FOXP1: variants seen among roughly 807,000 people sequenced by gnomAD.
FOXP1 encodes forkhead box P1.
FOXP1 carries 15 observed loss-of-function variants against 98.2 expected under a neutral mutation model. The ratio of observed to expected loss-of-function variants is 0.15; its 90% CI spans 0.10 to 0.24. The LOEUF (loss-of-function observed/expected upper bound fraction) is 0.24. FOXP1 is among the 10% of genes least tolerant of loss of function. The pLI is 1.00. For missense variants in FOXP1, 633 were observed against 848.5 expected (o/e 0.75, Z 3.15); for synonymous variants, 371 against 314.5 (o/e 1.18, Z -1.90).
intron 6 of FOXP1, among the ~76,000 whole-genome samples, chr3:71,128,862 C>T (rs1273155522): frequency 6.6e-6 from 1 of 151,722 alleles, no homozygotes; most frequent in Admixed American, 6.6e-5. Flanking sequence ...AGGCAAAAAG[C>T]CTCCTGAGCC....
chr3:71,250,379 G>C (rs750718657), intron 5 of FOXP1, among the ~76,000 whole-genome samples: 1 of 152,168 alleles, frequency 6.6e-6, no homozygotes, highest in African/African-American at 2.4e-5. Context: ...TGAGGCTCCT[G>C]AGCACTTGAA....
chr3:71,432,739 TCAGCATTTA>T lies in FOXP1; in HGVS notation c.-168+60678_-168+60686del, dbSNP rs1288198673. On this transcript the variant is annotated intron_variant, in intron 3 of 20. Transcript: ENST00000649528. ...TCCCCCCCATCCAAAGAAGCAGAACTCAGCATTTACAGCATTTACATTCATTTTCAGGCT... is the reference window on the plus strand; with the variant it reads ...TCCCCCCCATCCAAAGAAGCAGAACTCAGCATTTACATTCATTTTCAGGCT... Among the ~76,000 whole-genome samples the T allele has an allele frequency of 5.3e-5, 8 of 151,398 alleles. No individual in the cohort carries two copies. The East Asian group carries it at 5.9e-4, about 11-fold the overall frequency.
At chr3:71,115,136 A>C (rs529139860) in intron 6 of FOXP1, among the ~76,000 whole-genome samples, 2 of 152,148 alleles carry the variant, frequency 1.3e-5, no homozygotes, top group East Asian at 3.9e-4. Context: ...GGAAAGGCAG[A>C]GAGAGGGACT....
At chr3:71,428,057 T>A (rs1047579110) in intron 3 of FOXP1, among the ~76,000 whole-genome samples, 1 of 152,028 alleles carries the variant, frequency 6.6e-6, no homozygotes, top group African/African-American at 2.4e-5. Context: ...CAGAAACAAG[T>A]CCCATCTTCA....
chr3:71,380,228 A>G (rs1378168926), intron 3 of FOXP1, among the ~76,000 whole-genome samples: 1 of 152,168 alleles, frequency 6.6e-6, no homozygotes, highest in Non-Finnish European at 1.5e-5. Flanking sequence ...GTGGACCCCT[A>G]GTGGACAGAG....
chr3:70,973,144 C>CCAGAGGT (rs2036645482), intron 17 of FOXP1, among the ~76,000 whole-genome samples: 1 of 152,130 alleles, frequency 6.6e-6, no homozygotes, highest in African/African-American at 2.4e-5. Flanking sequence ...TTTAAAACTT[C>CCAGAGGT]CAGAGGTCCT....
At chr3:71,317,309 A>T (rs935818968) in intron 4 of FOXP1, among the ~76,000 whole-genome samples, 13 of 152,330 alleles carry the variant, frequency 8.5e-5, no homozygotes, top group African/African-American at 3.1e-4. Flanking sequence ...TTGCTGGCTG[A>T]CATGACGCCA....
chr3:71,143,820 C>T (rs1350335511), intron 6 of FOXP1, among the ~76,000 whole-genome samples: 1 of 152,220 alleles, frequency 6.6e-6, no homozygotes. Context: ...ATTACTTTTA[C>T]CACTGCTATG....
chr3:71,548,308 T>C (rs1366031114), intron 2 of FOXP1, among the ~76,000 whole-genome samples: 3 of 152,128 alleles, frequency 2.0e-5, no homozygotes, highest in Non-Finnish European at 2.9e-5. Context: ...CACACACAAA[T>C]AGCGTAAGTT....
intron 3 of FOXP1, among the ~76,000 whole-genome samples, chr3:71,363,308 T>C (rs1311820462): frequency 6.6e-6 from 1 of 152,238 alleles, no homozygotes; most frequent in East Asian, 1.9e-4. Context: ...CTACTCAATA[T>C]TGTGTACAAC....
chr3:71,100,008 C>T (rs139926073), intron 7 of FOXP1, among the ~76,000 whole-genome samples: 6 of 152,314 alleles, frequency 3.9e-5, no homozygotes, highest in African/African-American at 1.2e-4. Context: ...TCAATAGTTA[C>T]CACAGAGTCT....
At chr3:71,575,482 G>A (rs943696867) in intron 2 of FOXP1, among the ~76,000 whole-genome samples, 2 of 152,028 alleles carry the variant, frequency 1.3e-5, no homozygotes, top group East Asian at 1.9e-4. Flanking sequence ...CAGATACAGA[G>A]GTAGGTGAGC....
chr3:71,487,267 C>T (rs1008479659), intron 3 of FOXP1, among the ~76,000 whole-genome samples: 2 of 152,130 alleles, frequency 1.3e-5, no homozygotes, highest in East Asian at 1.9e-4. Context: ...CACATATTGC[C>T]CAGGCTGGTC....
chr3:71,576,471 G>C (rs2047727519), intron 2 of FOXP1, among the ~76,000 whole-genome samples: 1 of 152,188 alleles, frequency 6.6e-6, no homozygotes, highest in Non-Finnish European at 1.5e-5. Context: ...GAGTAGACCT[G>C]TCAAGATATT....
At chr3:71,289,665 G>C (rs563889191) in intron 5 of FOXP1, 3 of 150,478 alleles carry the variant, frequency 2.0e-5, no homozygotes, top group Admixed American at 2.0e-4. Context: ...TTACTTTTTT[G>C]AGACAGAGTC....
chr3:71,270,147 C>G (rs542627756), intron 5 of FOXP1, among the ~76,000 whole-genome samples: 1 of 152,274 alleles, frequency 6.6e-6, no homozygotes, highest in South Asian at 2.1e-4. Context: ...TAGCAGCCTC[C>G]CCGAGTGGCA....
intron 3 of FOXP1, among the ~76,000 whole-genome samples, chr3:71,489,042 C>T (rs1465006808): frequency 6.6e-6 from 1 of 152,216 alleles, no homozygotes; most frequent in African/African-American, 2.4e-5. Context: ...GGAACCCTGT[C>T]GGCTGGCTCT....
At chr3:71,069,520 C>T (rs957622016) in intron 7 of FOXP1, among the ~76,000 whole-genome samples, 3 of 152,148 alleles carry the variant, frequency 2.0e-5, no homozygotes, top group African/African-American at 7.2e-5. Context: ...ACTGCTTCTG[C>T]CATGGGGTTA....
chr3:71,279,930 T>A (rs1576736261), intron 5 of FOXP1, among the ~76,000 whole-genome samples: 1 of 151,988 alleles, frequency 6.6e-6, no homozygotes, highest in Admixed American at 6.6e-5. Flanking sequence ...GAGACTATCC[T>A]GGCTAACACA....
Sources: allele counts gnomAD v4.1 joint callset (sites outside exome capture counted in the v4.1 genomes callset), GRCh38; gene constraint gnomAD v4.1.1; transcripts MANE v1.5; gene names NCBI Gene and HGNC (gene_info 2026-07-23, HGNC 2026-07-21).